Variants in PYROXD1 observed in about 807,000 individuals in gnomAD.
The protein encoded by PYROXD1 is tRNA ligase complex-associated NAD(P)H dehydrogenase PYROXD1.
A neutral mutation model predicts 62.0 loss-of-function variants in PYROXD1; 42 were observed. The ratio of observed to expected loss-of-function variants is 0.68; its 90% CI spans 0.53 to 0.88. The LOEUF (loss-of-function observed/expected upper bound fraction) is 0.88, where lower values mean the gene tolerates loss of function less well. Ranked by LOEUF, PYROXD1 falls within the 40% of genes least tolerant of loss-of-function variation. PYROXD1 has a pLI of 0.00. For missense variants in PYROXD1, 493 were observed against 604.8 expected, an observed-to-expected ratio of 0.82 and a Z score of 1.94; for synonymous variants, 170 against 206.4, an observed-to-expected ratio of 0.82 and a Z score of 1.51.
At chr12:21,447,995 A>T in intron 3 of PYROXD1, 1 of 364,604 alleles carries the variant, frequency 2.7e-6, no homozygotes, top group Non-Finnish European at 5.3e-6. Flanking sequence ...AAAAAAAAAA[A>T]CACATGCGTA....
In PYROXD1 at chr12:21,463,132, CAGG is replaced by C. The variant is rs35887573; in HGVS notation, c.1116+273_1116+275del. On this transcript the variant is annotated intron_variant, in intron 10 of 11. Transcript: ENST00000240651. ...TTCTTACCTGCTTATCAGCACTGTC[CAGG>C]AGAACTTTCTGTGATGATGGAAATG... Among the ~76,000 whole-genome samples, 74,669 of 151,764 alleles carry C rather than the reference CAGG, an allele frequency of 0.49. 18,391 individuals carry two copies. The highest frequency in any genetic ancestry group is 0.58 in the Middle Eastern group (167 of 288).
intron 3 of PYROXD1, among the ~76,000 whole-genome samples, chr12:21,446,554 G>A (rs1007943902): frequency 6.6e-6 from 1 of 150,984 alleles, no homozygotes; most frequent in African/African-American, 2.4e-5. Context: ...TAGGAGTGTT[G>A]AGCATGAACA....
chr12:21,460,865 A>G (rs931261068), intron 7 of PYROXD1, 160 bp from the exon 8 acceptor site: 3 of 426,620 alleles, frequency 7.0e-6, no homozygotes, highest in African/African-American at 6.2e-5. Context: ...TTTCATGTGC[A>G]TAGAGAGACT....
At position 21,468,537 on chromosome 12, in the gene PYROXD1, G is replaced by A; in HGVS notation, c.1286G>A (p.Gly429Asp). 1 of 1,612,674 alleles carries A rather than the reference G, an allele frequency of 6.2e-7. No individual in the cohort carries two copies. The change falls in exon 12 of 12, where the codon GGC becomes GAC. Residue 429 changes from glycine to aspartate, a missense_variant. By Grantham distance (94) the Gly-to-Asp change is moderately conservative. Around this residue, in one of 2 missense-constraint regions of PYROXD1, gnomAD observed 329 missense variants for 446.6 expected, o/e 0.74. Transcript: ENST00000240651. ...CTGCTGGGAAAATACAATGCACAGG[G>A]CTTAGGTTCAGATCATGAATTAATG... ...VVLLGKYNAQ[G>D]LGSDHELMLR...
intron 3 of PYROXD1, among the ~76,000 whole-genome samples, chr12:21,448,862 TATTA>T (rs1226327875): frequency 3.9e-5 from 6 of 152,210 alleles, no homozygotes; most frequent in Admixed American, 1.3e-4. Flanking sequence ...CCATTTATGT[TATTA>T]ATTAATATAA....
intron 4 of PYROXD1, among the ~76,000 whole-genome samples, chr12:21,451,064 G>GT (rs1252242605): frequency 2.6e-5 from 4 of 151,984 alleles, no homozygotes; most frequent in South Asian, 2.1e-4. Flanking sequence ...AACTTCAGTT[G>GT]TTTTTTTCTT....
intron 8 of PYROXD1, 112 bp from the exon 9 acceptor site, chr12:21,461,896 T>C: frequency 1.8e-6 from 1 of 565,932 alleles, no homozygotes; most frequent in Non-Finnish European, 3.1e-6. Flanking sequence ...CAAAGTTATC[T>C]CTTGCCTTTC....
chr12:21,437,965 CTGCT>C, intron 1 of PYROXD1, 151 bp downstream of exon 1: 1 of 709,020 alleles, frequency 1.4e-6, no homozygotes, highest in South Asian at 1.9e-5. Context: ...ATTTTAGAAA[CTGCT>C]TGGTGGTCCT....
At chr12:21,440,478 T>C in intron 2 of PYROXD1, 30 bp downstream of exon 2, 1 of 1,291,650 alleles carries the variant, frequency 7.7e-7, no homozygotes, top group Non-Finnish European at 1.1e-6. Flanking sequence ...TTGTTAATAT[T>C]AATTTGAAAA....
chr12:21,466,159 T>C (rs1942789414), intron 10 of PYROXD1, among the ~76,000 whole-genome samples: 1 of 151,172 alleles, frequency 6.6e-6, no homozygotes, highest in African/African-American at 2.4e-5. Flanking sequence ...GGCTCTTTTT[T>C]GGTTCCATAT....
chr12:21,467,659 G>C, intron 11 of PYROXD1, 41 bp downstream of exon 11: 1 of 1,424,268 alleles, frequency 7.0e-7, no homozygotes, highest in Non-Finnish European at 9.7e-7. Context: ...CTGCTTGTTA[G>C]TCTTATGACT....
rs1942226467 is a variant in PYROXD1 at position 21,438,110 on chromosome 12, A to C, written c.84+296A>C. The C allele has an allele frequency of 3.2e-5, 12 of 373,406 alleles. No individual in the cohort carries two copies. In the South Asian group the frequency reaches 9.7e-4, roughly 30 times the overall value. 23.1% of individuals were successfully genotyped at this position (373,406 alleles called of 1,614,324 possible). On this transcript the variant is annotated intron_variant, in intron 1 of 11. Coordinates refer to ENST00000240651, the MANE Select transcript of PYROXD1 (RefSeq NM_024854.5). ...GAGCAGACATGAGGACTTTGTATTT[A>C]GACAAAAAATTCAGCCCCCTTTCTT...
Position 21,450,148 on chromosome 12 carries a change from G to A in PYROXD1, c.414+457G>A, listed in dbSNP as rs541725686. ...CTCCCAGAGTGCTGGGATTACAGGC[G>A]TGAGCCACCGTGCCCAGCCTATTCC... On this transcript the variant is annotated intron_variant, in intron 4 of 11. Coordinates refer to ENST00000240651, the MANE Select transcript of PYROXD1 (RefSeq NM_024854.5). Among the ~76,000 whole-genome samples, 53 of 151,924 alleles carry A rather than the reference G, an allele frequency of 3.5e-4. No individual in the cohort carries two copies. The East Asian group carries it at 8.1e-3, about 23-fold the overall frequency.
rs4762702 is a variant in PYROXD1 at position 21,440,470 on chromosome 12, G to C, written c.165+22G>C. The C allele has an allele frequency of 1, 1,350,119 of 1,354,078 alleles. 673,193 individuals are homozygous for C. Among genetic ancestry groups the C allele is most frequent in the East Asian group, 1 (42,980 of 42,980 alleles). The allele number at this position is 1,354,078 out of a possible 1,614,324, so 83.9% of individuals were successfully genotyped here. A position where few individuals can be genotyped will look rare whatever the true frequency, so the allele number is the denominator to read the frequency against. On this transcript the variant is annotated intron_variant, in intron 2 of 11. Coordinates refer to ENST00000240651, the MANE Select transcript of PYROXD1 (RefSeq NM_024854.5). Reference sequence around the variant, plus strand: ...GCAGGTAAGAACCTTTGTATAACTTGTTAATATTAATTTGAAAAAATTGCA... The same window carrying C: ...GCAGGTAAGAACCTTTGTATAACTTCTTAATATTAATTTGAAAAAATTGCA...
intron 3 of PYROXD1, 79 bp downstream of exon 3, chr12:21,445,545 TCTA>T (rs1393499327): frequency 6.0e-5 from 81 of 1,349,144 alleles, no homozygotes; most frequent in Non-Finnish European, 7.7e-5. Context: ...TCACTCCAGC[TCTA>T]CTACCACCAC....
intron 10 of PYROXD1, among the ~76,000 whole-genome samples, chr12:21,465,389 G>A (rs1942773384): frequency 6.6e-6 from 1 of 152,170 alleles, no homozygotes; most frequent in Non-Finnish European, 1.5e-5. Context: ...GTATCTCACT[G>A]TGGTTTTGAT....
Position 21,470,090 on chromosome 12 carries a change from T to C in PYROXD1, c.*1336T>C, listed in dbSNP as rs1285844649. ...CTCTGAAAATATAGATCCATACATATAAAATATCTATGAAATTCTTTTAAA... is the reference window on the plus strand; with the variant it reads ...CTCTGAAAATATAGATCCATACATACAAAATATCTATGAAATTCTTTTAAA... On this transcript the variant is annotated 3_prime_UTR_variant, in exon 12 of 12. Transcript: ENST00000240651. The C allele has an allele frequency of 5.7e-6, 6 of 1,045,488 alleles. No individual in the cohort carries two copies. The highest frequency in any genetic ancestry group is 2.7e-5 in the East Asian group (1 of 37,614). The allele number at this position is 1,045,488 out of a possible 1,614,324, so 64.8% of individuals were successfully genotyped here. A position where few individuals can be genotyped will look rare whatever the true frequency, so the allele number is the denominator to read the frequency against.
At chr12:21,440,899 C>G (rs188165491) in intron 2 of PYROXD1, among the ~76,000 whole-genome samples, 1 of 152,160 alleles carries the variant, frequency 6.6e-6, no homozygotes, top group East Asian at 1.9e-4. Flanking sequence ...AATATTTTTT[C>G]TATATCTGTA....
intron 2 of PYROXD1, among the ~76,000 whole-genome samples, chr12:21,441,525 G>A (rs749571384): frequency 1.3e-4 from 19 of 151,796 alleles, no homozygotes; most frequent in Non-Finnish European, 2.1e-4. Flanking sequence ...CAGATTCACA[G>A]ATGTTTTCTT....
Sources: allele counts gnomAD v4.1 joint callset (sites outside exome capture counted in the v4.1 genomes callset), GRCh38; gene constraint gnomAD v4.1.1; regional missense constraint gnomAD v4.1.1; transcripts MANE v1.5; gene names NCBI Gene and HGNC (gene_info 2026-07-23, HGNC 2026-07-21).